NXPH1: variants seen among roughly 807,000 people sequenced by gnomAD.
The protein encoded by NXPH1 is neurexophilin 1, also known as neurexophilin-1.
In NXPH1, 5 loss-of-function variants were observed where a neutral mutation model predicts 23.7. That is an observed-to-expected ratio of 0.21 (90% CI 0.11 to 0.44). The LOEUF (loss-of-function observed/expected upper bound fraction) is 0.44. NXPH1 is among the 20% of genes least tolerant of loss of function. The probability of loss-of-function intolerance (pLI) is 0.99; values close to 1 mark genes in which losing one functional copy is unlikely to be tolerated. For missense variants in NXPH1, 324 were observed against 321.6 expected (o/e 1.01, Z -0.06); for synonymous variants, 144 against 122.2 (o/e 1.18, Z -1.18).
At chr7:8,679,375 G>A (rs557005012) in intron 2 of NXPH1, among the ~76,000 whole-genome samples, 190 of 152,298 alleles carry the variant, frequency 1.2e-3, no homozygotes, top group African/African-American at 4.4e-3. Flanking sequence ...GAATTGGGGT[G>A]CCGCACTGGA....
At chr7:8,562,186 A>G (rs146228208) in intron 2 of NXPH1, among the ~76,000 whole-genome samples, 412 of 151,786 alleles carry the variant, frequency 2.7e-3, no homozygotes, top group African/African-American at 9.6e-3. Flanking sequence ...CTCAAGATCA[A>G]CCTTACATTT....
intron 2 of NXPH1, among the ~76,000 whole-genome samples, chr7:8,712,472 G>T (rs1024457245): frequency 1.3e-5 from 2 of 152,138 alleles, no homozygotes; most frequent in South Asian, 2.1e-4. Flanking sequence ...AGTGCCCACC[G>T]AATGAAAATT....
intron 2 of NXPH1, among the ~76,000 whole-genome samples, chr7:8,539,641 T>C (rs1249835156): frequency 1.3e-5 from 2 of 151,858 alleles, no homozygotes; most frequent in East Asian, 3.9e-4. Context: ...TTTTCTCACA[T>C]TTATATACAG....
At chr7:8,440,133 A>C (rs1333591855) in intron 2 of NXPH1, among the ~76,000 whole-genome samples, 1 of 152,114 alleles carries the variant, frequency 6.6e-6, no homozygotes, top group Admixed American at 6.6e-5. Flanking sequence ...AAGGCCCTCT[A>C]CCCCAGAAGC....
chr7:8,714,088 A>G (rs1779840390), intron 2 of NXPH1, among the ~76,000 whole-genome samples: 1 of 152,176 alleles, frequency 6.6e-6, no homozygotes, highest in African/African-American at 2.4e-5. Context: ...CTAGAGTGTG[A>G]AATCTTTTAA....
intron 2 of NXPH1, among the ~76,000 whole-genome samples, chr7:8,736,698 C>G (rs1289169385): frequency 6.6e-6 from 1 of 152,170 alleles, no homozygotes; most frequent in African/African-American, 2.4e-5. Context: ...AGTTTTCTGT[C>G]TCATTGATCT....
At chr7:8,744,571 T>G (rs546726625) in intron 2 of NXPH1, among the ~76,000 whole-genome samples, 1 of 152,316 alleles carries the variant, frequency 6.6e-6, no homozygotes, top group Admixed American at 6.5e-5. Context: ...TACCATCTAC[T>G]CATACTACAA....
At chr7:8,729,073 T>G (rs1201206547) in intron 2 of NXPH1, among the ~76,000 whole-genome samples, 3 of 152,114 alleles carry the variant, frequency 2.0e-5, no homozygotes, top group African/African-American at 7.2e-5. Flanking sequence ...CTTGGGAGGG[T>G]GTATGTCTCG....
chr7:8,615,422 A>G (rs1819714058), intron 2 of NXPH1, among the ~76,000 whole-genome samples: 1 of 152,092 alleles, frequency 6.6e-6, no homozygotes, highest in African/African-American at 2.4e-5. Context: ...GATAATTTAA[A>G]TGAGTACAGG....
At chr7:8,656,510 T>C (rs1422261212) in intron 2 of NXPH1, among the ~76,000 whole-genome samples, 1 of 14,190 alleles carries the variant, frequency 7.0e-5, no homozygotes, top group South Asian at 9.1e-3. Context: ...AGTTAATGTT[T>C]TTTTTTTTTT....
At chr7:8,746,995 AGGTAAAAATATCT>A (rs1222314653) in intron 2 of NXPH1, among the ~76,000 whole-genome samples, 2 of 152,150 alleles carry the variant, frequency 1.3e-5, no homozygotes, top group African/African-American at 4.8e-5. Context: ...TGAGATTCAG[AGGTAAAAATATCT>A]GGTGATGACA....
chr7:8,572,503 A>G (rs1445168008), intron 2 of NXPH1, among the ~76,000 whole-genome samples: 1 of 152,038 alleles, frequency 6.6e-6, no homozygotes, highest in Non-Finnish European at 1.5e-5. Context: ...ATCATAATAC[A>G]GCATTTAGTG....
chr7:8,744,479 C>G (rs1371591139), intron 2 of NXPH1, among the ~76,000 whole-genome samples: 2 of 152,106 alleles, frequency 1.3e-5, no homozygotes, highest in Non-Finnish European at 2.9e-5. Flanking sequence ...CAACTGGCTC[C>G]TCTTCTGCCT....
intron 2 of NXPH1, among the ~76,000 whole-genome samples, chr7:8,668,747 A>G (rs1346432614): frequency 6.6e-6 from 1 of 151,836 alleles, no homozygotes; most frequent in South Asian, 2.1e-4. Flanking sequence ...TTGGTGCTGC[A>G]GCAGGCCTGA....
intron 2 of NXPH1, among the ~76,000 whole-genome samples, chr7:8,726,101 T>C (rs969219120): frequency 5.3e-5 from 8 of 152,140 alleles, no homozygotes; most frequent in African/African-American, 1.9e-4. Context: ...AATTTGGACT[T>C]CTATTGGATA....
intron 2 of NXPH1, among the ~76,000 whole-genome samples, chr7:8,555,819 A>T (rs919858227): frequency 7.3e-5 from 11 of 151,554 alleles, no homozygotes; most frequent in African/African-American, 2.4e-4. Flanking sequence ...TCTACTTTAT[A>T]TTTTTTATCT....
intron 2 of NXPH1, among the ~76,000 whole-genome samples, chr7:8,546,924 G>A (rs992417895): frequency 6.6e-6 from 1 of 151,426 alleles, no homozygotes; most frequent in Non-Finnish European, 1.5e-5. Flanking sequence ...TACTTCTGGT[G>A]CCACAAGTTG....
intron 2 of NXPH1, among the ~76,000 whole-genome samples, chr7:8,626,629 A>G (rs1271885402): frequency 2.0e-5 from 3 of 152,128 alleles, no homozygotes; most frequent in Non-Finnish European, 4.4e-5. Context: ...GTCAGGTCAT[A>G]TGAAATCAAA....
intron 2 of NXPH1, among the ~76,000 whole-genome samples, chr7:8,748,021 A>T (rs1175839499): frequency 6.6e-6 from 1 of 152,170 alleles, no homozygotes; most frequent in Non-Finnish European, 1.5e-5. Flanking sequence ...TCCATAATGG[A>T]ATGGCTTTAT....
Sources: gnomAD v4.1 joint callset for allele counts (sites outside exome capture counted in the v4.1 genomes callset) on GRCh38, gnomAD v4.1.1 for gene constraint, MANE v1.5 for transcripts, NCBI Gene and HGNC (gene_info 2026-07-23, HGNC 2026-07-21) for gene names.